Variants in ROBO1 observed in about 807,000 individuals in gnomAD.
The protein encoded by ROBO1 is roundabout homolog 1.
ROBO1 carries 149 observed loss-of-function variants against 195.9 expected under a neutral mutation model. The observed-to-expected ratio is 0.76, with a 90% CI of 0.67 to 0.87. The LOEUF is 0.87. Among genes scored for constraint, ROBO1 ranks in the 40% least tolerant of loss-of-function variants. ROBO1 has a pLI of 0.00. For missense variants in ROBO1, 1,933 were observed against 2,068.3 expected, an observed-to-expected ratio of 0.93 and a Z score of 1.27; for synonymous variants, 816 against 733.2, an observed-to-expected ratio of 1.11 and a Z score of -1.82.
intron 4 of ROBO1, among the ~76,000 whole-genome samples, chr3:78,900,211 C>G (rs2107464180): frequency 6.6e-6 from 1 of 152,280 alleles, no homozygotes; most frequent in Middle Eastern, 3.4e-3. Flanking sequence ...ATATTAACAA[C>G]TAGATGTTAA....
intron 4 of ROBO1, among the ~76,000 whole-genome samples, chr3:78,911,989 T>C (rs1431395740): frequency 6.6e-6 from 1 of 152,034 alleles, no homozygotes; most frequent in Non-Finnish European, 1.5e-5. Flanking sequence ...TTTTTTAAAA[T>C]GAAATTTAAC....
At chr3:79,397,493 C>T (rs1260810886) in intron 2 of ROBO1, among the ~76,000 whole-genome samples, 6 of 152,116 alleles carry the variant, frequency 3.9e-5, no homozygotes, top group East Asian at 1.9e-4. Context: ...ACAAAGTTCA[C>T]GAAGGACAGC....
At chr3:79,761,606 C>T (rs1254819749) in intron 1 of ROBO1, among the ~76,000 whole-genome samples, 1 of 152,176 alleles carries the variant, frequency 6.6e-6, no homozygotes, top group Admixed American at 6.5e-5. Context: ...AGCAGCACCT[C>T]AACTCTAAAT....
At chr3:79,329,043 G>C (rs2034329656) in intron 2 of ROBO1, among the ~76,000 whole-genome samples, 1 of 152,108 alleles carries the variant, frequency 6.6e-6, no homozygotes, top group African/African-American at 2.4e-5. Flanking sequence ...CTCTTCAACA[G>C]GTAATTTTAC....
chr3:79,720,075 T>C (rs1702637585), intron 1 of ROBO1, among the ~76,000 whole-genome samples: 1 of 152,206 alleles, frequency 6.6e-6, no homozygotes, highest in South Asian at 2.1e-4. Flanking sequence ...TCTATTAAGA[T>C]AATAAAAGTG....
chr3:79,034,075 T>G (rs2078341584), intron 3 of ROBO1, among the ~76,000 whole-genome samples: 1 of 152,132 alleles, frequency 6.6e-6, no homozygotes, highest in Non-Finnish European at 1.5e-5. Flanking sequence ...CATCTCAAAC[T>G]CTCCAAGAAT....
chr3:79,684,168 T>C (rs1947031889), intron 1 of ROBO1, among the ~76,000 whole-genome samples: 1 of 152,202 alleles, frequency 6.6e-6, no homozygotes, highest in Non-Finnish European at 1.5e-5. Flanking sequence ...TGTATCTTAT[T>C]GTGGCTTTGA....
At chr3:78,659,379 C>A (rs1032577646) in intron 17 of ROBO1, among the ~76,000 whole-genome samples, 1 of 151,866 alleles carries the variant, frequency 6.6e-6, no homozygotes, top group Admixed American at 6.6e-5. Context: ...ACTTGGTTAC[C>A]GTACAGATTA....
chr3:79,209,470 T>A (rs2081932614), intron 2 of ROBO1, among the ~76,000 whole-genome samples: 1 of 152,074 alleles, frequency 6.6e-6, no homozygotes, highest in Non-Finnish European at 1.5e-5. Flanking sequence ...AGTGTTTTTT[T>A]TATTTTTTTA....
intron 2 of ROBO1, among the ~76,000 whole-genome samples, chr3:79,160,997 A>T (rs1214449667): frequency 6.6e-6 from 1 of 152,134 alleles, no homozygotes; most frequent in Non-Finnish European, 1.5e-5. Flanking sequence ...ATCATATGTC[A>T]TTCTGATAGA....
At chr3:78,974,964 T>C (rs2107942706) in intron 3 of ROBO1, among the ~76,000 whole-genome samples, 1 of 152,288 alleles carries the variant, frequency 6.6e-6, no homozygotes, top group African/African-American at 2.4e-5. Context: ...TCAATAATTT[T>C]TTCCCCAAGA....
At chr3:79,071,720 ACATGC>A (rs746466299) in intron 3 of ROBO1, among the ~76,000 whole-genome samples, 1 of 135,014 alleles carries the variant, frequency 7.4e-6, no homozygotes. Flanking sequence ...ACACACATGC[ACATGC>A]ACACACACAC....
chr3:79,658,803 C>G (rs572546062), intron 1 of ROBO1, among the ~76,000 whole-genome samples: 3 of 151,234 alleles, frequency 2.0e-5, no homozygotes, highest in African/African-American at 7.3e-5. Flanking sequence ...GAGTCTCGCT[C>G]TGTCGCCCAG....
chr3:79,549,484 A>T (rs768010417), intron 2 of ROBO1, among the ~76,000 whole-genome samples: 1 of 152,140 alleles, frequency 6.6e-6, no homozygotes, highest in Non-Finnish European at 1.5e-5. Flanking sequence ...CCAACTGCAG[A>T]TTGAAATTAT....
chr3:79,229,593 C>A (rs2082286406), intron 2 of ROBO1, among the ~76,000 whole-genome samples: 1 of 151,896 alleles, frequency 6.6e-6, no homozygotes, highest in Non-Finnish European at 1.5e-5. Context: ...GCCACAGTGC[C>A]CAGCTGATGT....
At chr3:78,837,188 C>A (rs2032813313) in intron 4 of ROBO1, among the ~76,000 whole-genome samples, 1 of 152,146 alleles carries the variant, frequency 6.6e-6, no homozygotes. Context: ...TTTAATCATT[C>A]TAAGTTGCTA....
Position 79,396,515 on chromosome 3 carries a change from T to C in ROBO1, c.88+193309A>G, listed in dbSNP as rs142049199. ...GTCTCCATTTGTAAAATAAAGGTATTGGTCAAAATTTAGCAACATTGTTAT... is the reference window on the plus strand; with the variant it reads ...GTCTCCATTTGTAAAATAAAGGTATCGGTCAAAATTTAGCAACATTGTTAT... On this transcript the variant is annotated intron_variant, in intron 2 of 30. Transcript: ENST00000464233. 5.1e-3 allele frequency among the ~76,000 whole-genome samples: 774 copies of C among 152,174 alleles called. 5 individuals carry two copies. Among genetic ancestry groups the C allele is most frequent in the Non-Finnish European group, 7.6e-3 (519 of 67,932 alleles).
intron 24 of ROBO1, among the ~76,000 whole-genome samples, chr3:78,632,564 C>T (rs909497622): frequency 1.3e-5 from 2 of 152,190 alleles, no homozygotes; most frequent in Non-Finnish European, 2.9e-5. Flanking sequence ...AGGCCTATCA[C>T]AGATCTCTCC....
chr3:78,654,377 C>G (rs552006336), intron 18 of ROBO1, among the ~76,000 whole-genome samples: 1 of 152,190 alleles, frequency 6.6e-6, no homozygotes, highest in Middle Eastern at 3.2e-3. Context: ...ACCTGCCTTT[C>G]TCTGTTTGTT....
Sources: gnomAD v4.1 joint callset for allele counts (sites outside exome capture counted in the v4.1 genomes callset) on GRCh38, gnomAD v4.1.1 for gene constraint, MANE v1.5 for transcripts, NCBI Gene and HGNC (gene_info 2026-07-23, HGNC 2026-07-21) for gene names.